Variants in NRG4 observed in about 807,000 individuals in gnomAD.
NRG4 encodes neuregulin 4, also known as pro-neuregulin-4, membrane-bound isoform.
In NRG4, 10 loss-of-function variants were observed where a neutral mutation model predicts 15.0. The observed-to-expected ratio is 0.67, with a 90% confidence interval of 0.41 to 1.13. The LOEUF is 1.13. NRG4 is among the 50% of genes most tolerant of loss of function. NRG4 has a pLI of 0.00. For missense variants in NRG4, 139 were observed against 140.2 expected, an observed-to-expected ratio of 0.99 and a Z score of 0.04; for synonymous variants, 41 against 50.1, an observed-to-expected ratio of 0.82 and a Z score of 0.77.
At chr15:75,947,426 C>A (rs2031596642) in intron 5 of NRG4, among the ~76,000 whole-genome samples, 1 of 152,174 alleles carries the variant, frequency 6.6e-6, no homozygotes, top group African/African-American at 2.4e-5. Flanking sequence ...GTAGCCTGCC[C>A]TGAATCCTCT....
At chr15:75,945,127 A>G (rs1389114940) in intron 5 of NRG4, among the ~76,000 whole-genome samples, 1 of 152,148 alleles carries the variant, frequency 6.6e-6, no homozygotes, top group Non-Finnish European at 1.5e-5. Context: ...GTACTTGTGC[A>G]TTCAAGATCT....
intron 3 of NRG4, among the ~76,000 whole-genome samples, chr15:75,985,105 A>C (rs1411869281): frequency 6.6e-6 from 1 of 152,126 alleles, no homozygotes; most frequent in East Asian, 1.9e-4. Context: ...TCAGCATCCC[A>C]AAATGCTGGG....
chr15:75,946,820 C>T (rs970628386), intron 5 of NRG4, among the ~76,000 whole-genome samples: 4 of 152,186 alleles, frequency 2.6e-5, no homozygotes, highest in Non-Finnish European at 4.4e-5. Flanking sequence ...ACTTACCTTT[C>T]GTGTTTGGCT....
chr15:75,980,079 G>A (rs1373740323), intron 3 of NRG4, among the ~76,000 whole-genome samples: 1 of 152,032 alleles, frequency 6.6e-6, no homozygotes, highest in Non-Finnish European at 1.5e-5. Flanking sequence ...TTTTTCACCT[G>A]ATAAGCTTTT....
At chr15:75,946,725 C>T (rs1294368492) in intron 5 of NRG4, among the ~76,000 whole-genome samples, 1 of 152,150 alleles carries the variant, frequency 6.6e-6, no homozygotes, top group Non-Finnish European at 1.5e-5. Context: ...CTATTCCTCC[C>T]GACAGCCCTG....
At chr15:76,029,292 G>C (rs988963111) in intron 5 of NRG4, among the ~76,000 whole-genome samples, 1 of 151,996 alleles carries the variant, frequency 6.6e-6, no homozygotes, top group Admixed American at 6.6e-5. Flanking sequence ...GGTATAGAAG[G>C]AAAATACCTT....
At chr15:76,042,689 C>T (rs143235082) in intron 4 of NRG4, among the ~76,000 whole-genome samples, 10 of 152,060 alleles carry the variant, frequency 6.6e-5, no homozygotes, top group East Asian at 1.9e-4. Context: ...AAAGGAAAGC[C>T]GGAGACCTCT....
chr15:76,018,458 G>A (rs946884115), intron 5 of NRG4, among the ~76,000 whole-genome samples: 2 of 152,112 alleles, frequency 1.3e-5, no homozygotes, highest in Admixed American at 6.5e-5. Context: ...CCTCATCTTC[G>A]TGGATGTATC....
chr15:75,956,120 T>C, intron 4 of NRG4, 109 bp from the exon 5 acceptor site: 1 of 651,722 alleles, frequency 1.5e-6, no homozygotes, highest in Non-Finnish European at 2.8e-6. Context: ...TTCCCCCTTT[T>C]TACAACACAT....
chr15:76,048,799 C>T (rs991346689), intron 4 of NRG4, among the ~76,000 whole-genome samples: 2 of 150,706 alleles, frequency 1.3e-5, no homozygotes, highest in African/African-American at 2.5e-5. Flanking sequence ...AATCTCAGCA[C>T]TTTGGGAGGC....
intron 5 of NRG4, among the ~76,000 whole-genome samples, chr15:75,949,247 G>A (rs535308388): frequency 5.9e-5 from 9 of 152,094 alleles, no homozygotes; most frequent in East Asian, 1.9e-4. Context: ...CGTCTCTACC[G>A]AAAAATACAA....
intron 3 of NRG4, 35 bp from the exon 4 acceptor site, chr15:75,962,009 C>T: frequency 1.3e-6 from 2 of 1,517,946 alleles, no homozygotes; most frequent in Admixed American, 1.9e-5. Context: ...GAATTGCATT[C>T]TGTGTTTCAT....
intron 5 of NRG4, among the ~76,000 whole-genome samples, chr15:76,030,164 C>G (rs1026246417): frequency 1.3e-5 from 2 of 152,058 alleles, no homozygotes; most frequent in African/African-American, 4.8e-5. Context: ...GAGGCTGAGG[C>G]AGGAGAATTG....
chr15:76,024,731 C>A (rs2035257590), intron 5 of NRG4, among the ~76,000 whole-genome samples: 1 of 152,212 alleles, frequency 6.6e-6, no homozygotes, highest in Non-Finnish European at 1.5e-5. Context: ...CTGCCAAACT[C>A]TCTCATCTTA....
chr15:76,017,273 T>C (rs1364357805), upstream of NRG4, among the ~76,000 whole-genome samples: 2 of 148,154 alleles, frequency 1.3e-5, no homozygotes, highest in Non-Finnish European at 3.0e-5. Context: ...AGCACGCCAA[T>C]GGGTCTTGAA....
At chr15:75,944,048 CAAT>C (rs2031278820) in intron 5 of NRG4, among the ~76,000 whole-genome samples, 1 of 151,720 alleles carries the variant, frequency 6.6e-6, no homozygotes, top group Non-Finnish European at 1.5e-5. Flanking sequence ...ACAGCAATGA[CAAT>C]AATAGATGGC....
intron 3 of NRG4, among the ~76,000 whole-genome samples, chr15:75,997,181 CTT>C (rs2034247922): frequency 6.6e-6 from 1 of 151,812 alleles, no homozygotes; most frequent in Non-Finnish European, 1.5e-5. Context: ...TTACAAATAA[CTT>C]TTTACGAGAT....
chr15:75,965,732 C>A (rs1026546694), intron 3 of NRG4, among the ~76,000 whole-genome samples: 1 of 152,050 alleles, frequency 6.6e-6, no homozygotes, highest in Non-Finnish European at 1.5e-5. Flanking sequence ...ATACAATTAT[C>A]AAATTTCAGG....
intron 5 of NRG4, among the ~76,000 whole-genome samples, chr15:75,943,933 C>T (rs1349774615): frequency 6.6e-6 from 1 of 151,814 alleles, no homozygotes; most frequent in Non-Finnish European, 1.5e-5. Flanking sequence ...TGTCTTTGCT[C>T]ACTGCCTCTT....
Sources: gnomAD v4.1 joint callset for allele counts (sites outside exome capture counted in the v4.1 genomes callset) on GRCh38, gnomAD v4.1.1 for gene constraint, MANE v1.5 for transcripts, NCBI Gene and HGNC (gene_info 2026-07-23, HGNC 2026-07-21) for gene names.